Variants in ZSWIM2 observed in about 807,000 individuals in gnomAD.
ZSWIM2 encodes the protein E3 ubiquitin-protein ligase ZSWIM2.
A neutral mutation model predicts 48.4 loss-of-function variants in ZSWIM2; 38 were observed. The observed-to-expected ratio is 0.79, with a 90% CI of 0.61 to 1.03. The LOEUF (loss-of-function observed/expected upper bound fraction) is 1.03, where lower values mean the gene tolerates loss of function less well. Ranked by LOEUF, ZSWIM2 falls within the 50% of genes least tolerant of loss-of-function variation. The pLI is 0.00. For missense variants in ZSWIM2, 776 were observed against 730.2 expected (o/e 1.06, Z -0.72); for synonymous variants, 240 against 251.3 (o/e 0.96, Z 0.42).
chr2:186,846,574 G>C (rs1288696157), intron 2 of ZSWIM2, among the ~76,000 whole-genome samples: 1 of 151,672 alleles, frequency 6.6e-6, no homozygotes, highest in African/African-American at 2.4e-5. Context: ...ACAGTACGGC[G>C]ATTTCTCAAA....
Position 186,828,747 on chromosome 2 carries a change from T to C in ZSWIM2, c.1139A>G (p.Asn380Ser), listed in dbSNP as rs754514869. The change falls in exon 9 of 9, where the codon AAT becomes AGT. Residue 380 changes from asparagine to serine, a missense_variant. Coordinates refer to ENST00000295131, the MANE Select transcript of ZSWIM2 (RefSeq NM_182521.3). ...CIDNWLFHKCNSCPIDGQVIY... is the reference protein window; with the variant it reads ...CIDNWLFHKCSSCPIDGQVIY... ...AACTTGTCCATCAATAGGGCATGAATTGCACTTGTGGAATAACCAGTTGTC... is the reference window on the plus strand; with the variant it reads ...AACTTGTCCATCAATAGGGCATGAACTGCACTTGTGGAATAACCAGTTGTC... 53 of 1,598,514 alleles carry C rather than the reference T, an allele frequency of 3.3e-5. No individual in the cohort carries two copies. Among genetic ancestry groups the C allele is most frequent in the Non-Finnish European group, 4.4e-5 (52 of 1,173,518 alleles).
At chr2:186,837,930 G>T (rs894991205) in intron 4 of ZSWIM2, among the ~76,000 whole-genome samples, 2 of 151,362 alleles carry the variant, frequency 1.3e-5, no homozygotes, top group African/African-American at 4.8e-5. Context: ...TGAGAGCAGG[G>T]GTGCCACCAT....
At chr2:186,835,233 C>T (rs1442344765) in intron 5 of ZSWIM2, among the ~76,000 whole-genome samples, 1 of 151,710 alleles carries the variant, frequency 6.6e-6, no homozygotes, top group Non-Finnish European at 1.5e-5. Context: ...ATTGACAAGT[C>T]AAAAAAACCC....
intron 7 of ZSWIM2, among the ~76,000 whole-genome samples, chr2:186,830,930 T>C (rs1452792957): frequency 1.3e-5 from 2 of 152,200 alleles, no homozygotes; most frequent in Admixed American, 6.5e-5. Flanking sequence ...TTTGTACTTC[T>C]CATTACTCTA....
intron 3 of ZSWIM2, among the ~76,000 whole-genome samples, 176 bp from the exon 4 acceptor site, chr2:186,839,345 A>G (rs904405827): frequency 6.6e-6 from 1 of 151,746 alleles, no homozygotes; most frequent in Admixed American, 6.6e-5. Context: ...AAATGTCAGA[A>G]AAGAGTCATT....
intron 3 of ZSWIM2, 103 bp downstream of exon 3, chr2:186,844,614 C>T: frequency 1.7e-6 from 2 of 1,156,600 alleles, no homozygotes; most frequent in Non-Finnish European, 2.4e-6. Flanking sequence ...AGAAAAGTAA[C>T]CATCTAAATT....
intron 3 of ZSWIM2, among the ~76,000 whole-genome samples, chr2:186,842,689 G>A (rs896452177): frequency 6.6e-6 from 1 of 151,518 alleles, no homozygotes; most frequent in African/African-American, 2.4e-5. Context: ...TAATTGGGTA[G>A]AACTGCACTG....
At chr2:186,841,494 G>T (rs1269449048) in intron 3 of ZSWIM2, among the ~76,000 whole-genome samples, 2 of 151,148 alleles carry the variant, frequency 1.3e-5, no homozygotes, top group Middle Eastern at 3.2e-3. Context: ...GCAATACATG[G>T]GGGGGAGACA....
At chr2:186,828,862 C>A in intron 8 of ZSWIM2, 72 bp from the exon 9 acceptor site, 3 of 903,700 alleles carry the variant, frequency 3.3e-6, no homozygotes, top group Non-Finnish European at 4.4e-6. Flanking sequence ...AAATTTCCCC[C>A]AGTTTCATAA....
chr2:186,834,590 A>T (rs1691761528), intron 5 of ZSWIM2, among the ~76,000 whole-genome samples: 1 of 152,158 alleles, frequency 6.6e-6, no homozygotes. Context: ...GAACAGTCTC[A>T]TCCTGAAACC....
At chr2:186,843,309 C>G (rs1368796079) in intron 3 of ZSWIM2, among the ~76,000 whole-genome samples, 3 of 151,496 alleles carry the variant, frequency 2.0e-5, no homozygotes, top group Non-Finnish European at 4.4e-5. Context: ...ACCATACAAC[C>G]TAGTCATCAC....
Position 186,834,591 on chromosome 2 carries a change from T to G in ZSWIM2, c.744-561A>C, listed in dbSNP as rs1691761562. Among the ~76,000 whole-genome samples the G allele has an allele frequency of 2.6e-5, 4 of 152,232 alleles. No individual in the cohort carries two copies. The South Asian group carries it at 8.3e-4, about 32-fold the overall frequency. ...GATGATCTGAGGTGGAACAGTCTCA[T>G]CCTGAAACCATCCCCCAATAACCCC... On this transcript the variant is annotated intron_variant, in intron 5 of 8. Transcript: ENST00000295131.
At position 186,829,816 on chromosome 2, in the gene ZSWIM2, T is replaced by G; in HGVS notation, c.1006A>C (p.Lys336Gln). 6.2e-7 allele frequency: 1 copy of G among 1,613,756 alleles called. No individual in the cohort carries two copies. The part of the protein sequence containing the change: ...LPLQLITKNS[K>Q]LLAPGYQCLL... ...CACTGGTAGCCTGGAGCAAGCAGCTTACTATTCTTAGTAATCAGTTGGAGA... is the reference window on the plus strand; with the variant it reads ...CACTGGTAGCCTGGAGCAAGCAGCTGACTATTCTTAGTAATCAGTTGGAGA... The change falls in exon 8 of 9, where the codon AAG becomes CAG. Residue 336 changes from lysine to glutamine, a missense_variant. By Grantham distance (53) the Lys-to-Gln change is moderately conservative (BLOSUM62 1). Transcript: ENST00000295131.
rs780224121 is a variant in ZSWIM2, at chr2:186,828,776, A to G, written c.1110T>C (p.Cys370=). Residue 370 remains cysteine, a synonymous_variant, in exon 9 of 9, where the codon TGT becomes TGC. Coordinates refer to ENST00000295131, the MANE Select transcript of ZSWIM2 (RefSeq NM_182521.3). The part of the protein sequence containing the change: ...LPCTHKFHRK[C]IDNWLFHKCN... ...ACTTGTGGAATAACCAGTTGTCAATACACTTCCTGTGAAACTTTAAAAAAA... is the reference window on the plus strand; with the variant it reads ...ACTTGTGGAATAACCAGTTGTCAATGCACTTCCTGTGAAACTTTAAAAAAA... 2 of 1,549,704 alleles carry G rather than the reference A, an allele frequency of 1.3e-6. No homozygotes were observed. The highest frequency in any genetic ancestry group is 3.9e-5 in the Admixed American group (2 of 50,686).
intron 3 of ZSWIM2, among the ~76,000 whole-genome samples, chr2:186,841,354 C>G (rs531700964): frequency 1.7e-3 from 257 of 150,600 alleles, no homozygotes; most frequent in African/African-American, 6.0e-3. Flanking sequence ...CTGTTAATAT[C>G]TTTGTATGCT....
rs372408151 is a variant in ZSWIM2, at chr2:186,848,514, C to T, written c.165+452G>A. 9.3e-4 allele frequency among the ~76,000 whole-genome samples: 142 copies of T among 152,162 alleles called. 1 individual carries two copies. The highest frequency in any genetic ancestry group is 3.4e-3 in the African/African-American group (142 of 41,500). On this transcript the variant is annotated intron_variant, in intron 1 of 8. Transcript: ENST00000295131. ...CATTTAAACCATCCTTTAATAGGGC[C>T]TTCATACAGTTTCAGAGTGAGCAAA...
At chr2:186,837,218 C>A in intron 5 of ZSWIM2, 88 bp downstream of exon 5, 1 of 1,406,100 alleles carries the variant, frequency 7.1e-7, no homozygotes, top group Non-Finnish European at 9.8e-7. Context: ...AAGAGGGAGG[C>A]TACAGAACGG....
chr2:186,831,169 C>T (rs1691692422), intron 7 of ZSWIM2, among the ~76,000 whole-genome samples: 1 of 152,058 alleles, frequency 6.6e-6, no homozygotes, highest in South Asian at 2.1e-4. Flanking sequence ...AGTTATACAA[C>T]TTAGCATTCT....
intron 4 of ZSWIM2, among the ~76,000 whole-genome samples, chr2:186,838,114 G>C (rs537811614): frequency 4.3e-4 from 65 of 151,170 alleles, no homozygotes; most frequent in Non-Finnish European, 8.1e-4. Flanking sequence ...GAATGATCAG[G>C]AGAAAAAAAT....
Sources: allele counts gnomAD v4.1 joint callset (sites outside exome capture counted in the v4.1 genomes callset), GRCh38; gene constraint gnomAD v4.1.1; transcripts MANE v1.5; gene names NCBI Gene and HGNC (gene_info 2026-07-23, HGNC 2026-07-21).